The following RBFOX1 variants were observed in gnomAD, a reference collection of about 807,000 sequenced individuals.
RBFOX1 encodes RNA binding protein fox-1 homolog 1.
A neutral mutation model predicts 57.7 loss-of-function variants in RBFOX1; 8 were observed. That is an observed-to-expected ratio of 0.14 (90% CI 0.08 to 0.25). The LOEUF (loss-of-function observed/expected upper bound fraction) is 0.25, where lower values mean the gene tolerates loss of function less well. RBFOX1 is among the 10% of genes least tolerant of loss of function. RBFOX1 has a pLI of 1.00. For missense variants in RBFOX1, 611 were observed against 548.5 expected (o/e 1.11, Z -1.14); for synonymous variants, 326 against 222.4 (o/e 1.47, Z -4.15).
At chr16:6,094,528 G>A (rs1465882231) in intron 1 of RBFOX1, among the ~76,000 whole-genome samples, 1 of 152,118 alleles carries the variant, frequency 6.6e-6, no homozygotes, top group Non-Finnish European at 1.5e-5. Context: ...GCATTCCACT[G>A]GAAGCTTGAA....
At chr16:7,141,082 T>G (rs1247646175) in intron 4 of RBFOX1, among the ~76,000 whole-genome samples, 2 of 152,088 alleles carry the variant, frequency 1.3e-5, no homozygotes, top group African/African-American at 4.8e-5. Context: ...GACGATGAGC[T>G]GGGGTGGTTT....
At position 5,783,598 on chromosome 16, in the gene RBFOX1, A is replaced by C. The variant is rs576340361; in HGVS notation, c.319-83705A>C. On this transcript the variant is annotated intron_variant, in intron 3 of 19. Transcript: ENST00000641259. ...GACCCATTCATGCTCATATTTTAAC[A>C]TAATTGTTTTCAGACTTTACACACC... Among the ~76,000 whole-genome samples the C allele has an allele frequency of 1.6e-4, 24 of 152,318 alleles. 1 individual carries two copies. The South Asian group carries it at 5.0e-3, about 32-fold the overall frequency.
intron 4 of RBFOX1, among the ~76,000 whole-genome samples, chr16:7,497,958 C>T (rs1184507456): frequency 1.3e-5 from 2 of 152,194 alleles, no homozygotes; most frequent in Admixed American, 1.3e-4. Context: ...GTTGATTTCA[C>T]ACAGAGTAAA....
chr16:6,830,683 A>G (rs368150206), intron 3 of RBFOX1, among the ~76,000 whole-genome samples: 1 of 152,184 alleles, frequency 6.6e-6, no homozygotes, highest in East Asian at 1.9e-4. Context: ...CAAAATAGCA[A>G]CAGTGTCTTG....
At position 6,271,210 on chromosome 16, in the gene RBFOX1, G is replaced by T. The variant is rs111260097; in HGVS notation, c.-126-45785G>T. ...AGGCCGAGGTGGGCAGATCACTAGA[G>T]GTCAGGAGTTTGAGACCAGTCTGGC... On this transcript the variant is annotated intron_variant, in intron 1 of 15. Transcript: ENST00000550418. Among the ~76,000 whole-genome samples, 339 of 152,234 alleles carry T rather than the reference G, an allele frequency of 2.2e-3. 1 individual carries two copies. Among genetic ancestry groups the T allele is most frequent in the African/African-American group, 4.3e-3 (179 of 41,540 alleles).
chr16:6,903,222 C>T (rs925761838), intron 3 of RBFOX1, among the ~76,000 whole-genome samples: 9 of 152,158 alleles, frequency 5.9e-5, no homozygotes, highest in African/African-American at 2.2e-4. Context: ...GCTCATGCAG[C>T]ATTGCACAAG....
intron 2 of RBFOX1, among the ~76,000 whole-genome samples, chr16:5,499,579 A>AT (rs561431557): frequency 1.4e-3 from 209 of 148,402 alleles, no homozygotes; most frequent in South Asian, 5.4e-3. Flanking sequence ...TTTTTTTTAA[A>AT]TTTTTTTTTT....
chr16:7,143,718 A>G (rs2074323385), intron 4 of RBFOX1, among the ~76,000 whole-genome samples: 1 of 152,052 alleles, frequency 6.6e-6, no homozygotes, highest in Non-Finnish European at 1.5e-5. Context: ...CCTTCATTTG[A>G]TCATACATTC....
intron 1 of RBFOX1, among the ~76,000 whole-genome samples, chr16:5,422,367 G>C (rs1017158355): frequency 2.3e-5 from 2 of 87,280 alleles, no homozygotes; most frequent in Non-Finnish European, 5.2e-5. Context: ...AGGGAGCAGG[G>C]AGGAGCAGAG....
rs542241984 is a variant in RBFOX1, at chr16:7,130,137, A to G, written c.27+78039A>G. 5.3e-5 allele frequency among the ~76,000 whole-genome samples: 8 copies of G among 151,452 alleles called. No individual in the cohort carries two copies. In the East Asian group the frequency reaches 1.4e-3, roughly 26 times the overall value. On this transcript the variant is annotated intron_variant, in intron 4 of 15. Transcript: ENST00000550418. Reference sequence around the variant, plus strand: ...AACCTCTGCCTCCTGGGTTCAAGCAATTCTCCTGCCTCAGCCTTCCAAGTA... The same window carrying G: ...AACCTCTGCCTCCTGGGTTCAAGCAGTTCTCCTGCCTCAGCCTTCCAAGTA...
intron 1 of RBFOX1, among the ~76,000 whole-genome samples, chr16:5,386,866 C>A (rs1167372459): frequency 1.3e-5 from 2 of 152,172 alleles, no homozygotes; most frequent in Admixed American, 6.5e-5. Context: ...GCCTGCCCAA[C>A]ACGGCGAAAC....
At chr16:7,302,340 A>T (rs1419613137) in intron 4 of RBFOX1, among the ~76,000 whole-genome samples, 2 of 152,184 alleles carry the variant, frequency 1.3e-5, no homozygotes, top group African/African-American at 2.4e-5. Flanking sequence ...TTCAGAAAGC[A>T]TTTTGATTAG....
At chr16:7,442,447 A>G (rs1387571426) in intron 4 of RBFOX1, among the ~76,000 whole-genome samples, 2 of 152,108 alleles carry the variant, frequency 1.3e-5, no homozygotes, top group African/African-American at 4.8e-5. Flanking sequence ...GCTGTACAAA[A>G]TTATTAGAAG....
chr16:5,669,940 C>CATCGAGGGAAG (rs2049966035), intron 3 of RBFOX1, among the ~76,000 whole-genome samples: 2 of 152,110 alleles, frequency 1.3e-5, no homozygotes, highest in African/African-American at 2.4e-5. Context: ...ATCAAAAGCC[C>CATCGAGGGAAG]ATCGAGGGAA....
At chr16:6,607,735 T>C (rs2097961583) in intron 2 of RBFOX1, among the ~76,000 whole-genome samples, 1 of 152,148 alleles carries the variant, frequency 6.6e-6, no homozygotes, top group Admixed American at 6.5e-5. Flanking sequence ...AATTTTGTGG[T>C]TTCCCCCTGC....
chr16:6,773,441 G>GT (rs1302922368), intron 3 of RBFOX1, among the ~76,000 whole-genome samples: 11 of 137,810 alleles, frequency 8.0e-5, no homozygotes, highest in Middle Eastern at 5.4e-3. Flanking sequence ...CATTTGTCTT[G>GT]GGGGGCATAG....
intron 1 of RBFOX1, among the ~76,000 whole-genome samples, chr16:6,110,291 A>G (rs891298069): frequency 2.7e-5 from 4 of 150,700 alleles, no homozygotes; most frequent in African/African-American, 4.9e-5. Context: ...CATCATCACA[A>G]TTCTCTATAG....
At chr16:5,810,288 C>T (rs1359639252) in intron 3 of RBFOX1, among the ~76,000 whole-genome samples, 1 of 151,946 alleles carries the variant, frequency 6.6e-6, no homozygotes, top group Non-Finnish European at 1.5e-5. Context: ...AACTAACCTG[C>T]ACATTGTGCA....
At chr16:5,348,013 A>G (rs1197992679) in intron 1 of RBFOX1, among the ~76,000 whole-genome samples, 2 of 121,736 alleles carry the variant, frequency 1.6e-5, no homozygotes, top group African/African-American at 3.2e-5. Context: ...CCATCCATCC[A>G]TCCCCCCACC....
Sources: allele counts gnomAD v4.1 joint callset (sites outside exome capture counted in the v4.1 genomes callset), GRCh38; gene constraint gnomAD v4.1.1; transcripts MANE v1.5; gene names NCBI Gene and HGNC (gene_info 2026-07-23, HGNC 2026-07-21).